Variants in ARID2 observed in about 807,000 individuals in gnomAD.
The protein encoded by ARID2 is AT-rich interaction domain 2, also known as AT-rich interactive domain-containing protein 2.
In ARID2, 32 loss-of-function variants were observed where a neutral mutation model predicts 184.6. That is an observed-to-expected ratio of 0.17 (90% CI 0.13 to 0.23). The LOEUF is 0.23. Among genes scored for constraint, ARID2 ranks in the 10% least tolerant of loss-of-function variants. The probability of loss-of-function intolerance (pLI) is 1.00; values close to 1 mark genes in which losing one functional copy is unlikely to be tolerated. For synonymous variants in ARID2, 836 were observed against 772.6 expected (o/e 1.08, Z -1.36); for missense variants, 1,696 against 2,197.6 (o/e 0.77, Z 4.56).
At chr12:45,794,659 AC>A (rs1942355695) in intron 3 of ARID2, among the ~76,000 whole-genome samples, 1 of 152,148 alleles carries the variant, frequency 6.6e-6, no homozygotes, top group Admixed American at 6.5e-5. Flanking sequence ...TAATGGTGTT[AC>A]CCTAATGGTA....
chr12:45,850,480 G>A lies in ARID2; in HGVS notation c.2357G>A (p.Gly786Asp), dbSNP rs2138162355. ...GTGGTACCAGGACAGATCCCTTCAG[G>A]CACTCCTGTTACAGTAATTCAACAA... ...HTVVPGQIPS[G>D]TPVTVIQQAV... Residue 786 changes from glycine to aspartate, a missense_variant, in exon 15 of 21, where the codon GGC (glycine) becomes GAC (aspartate). Around this residue, in one of 11 missense-constraint regions of ARID2, gnomAD observed 713 missense variants for 824.4 expected, o/e 0.86. Coordinates refer to ENST00000334344, the MANE Select transcript of ARID2 (RefSeq NM_152641.4). 5 of 1,613,872 alleles carry A rather than the reference G, an allele frequency of 3.1e-6. No homozygotes were observed. The highest frequency in any genetic ancestry group is 4.2e-6 in the Non-Finnish European group (5 of 1,179,952).
chr12:45,732,047 A>T (rs1941014206), intron 3 of ARID2, among the ~76,000 whole-genome samples: 1 of 151,224 alleles, frequency 6.6e-6, no homozygotes, highest in African/African-American at 2.4e-5. Flanking sequence ...GATACAGTCT[A>T]GATGATATAT....
At position 45,754,207 on chromosome 12, in the gene ARID2, T is replaced by TA. The variant is rs202181048; in HGVS notation, c.284+22900dup. On this transcript the variant is annotated intron_variant, in intron 3 of 20. Transcript: ENST00000334344. ...GTAATAGTATCAGGCAAAAAAATAATAAAAAAAGAGGGCTGAGTGATGCAG... is the reference window on the plus strand; with the variant it reads ...GTAATAGTATCAGGCAAAAAAATAATAAAAAAAAGAGGGCTGAGTGATGCAG... Among the ~76,000 whole-genome samples the TA allele has an allele frequency of 8.8e-3, 1,340 of 152,208 alleles. 18 individuals carry two copies. Among genetic ancestry groups the TA allele is most frequent in the African/African-American group, 0.031 (1,276 of 41,552 alleles).
chr12:45,824,922 T>A (rs1942965744), intron 6 of ARID2, among the ~76,000 whole-genome samples: 1 of 151,050 alleles, frequency 6.6e-6, no homozygotes, highest in Non-Finnish European at 1.5e-5. Flanking sequence ...CTAAAAGGAA[T>A]GAAAATGTGC....
intron 7 of ARID2, 30 bp from the exon 8 acceptor site, chr12:45,836,711 A>G: frequency 6.3e-7 from 1 of 1,599,666 alleles, no homozygotes. Flanking sequence ...TAAATGAAAT[A>G]TTAAGTGAAA....
intron 3 of ARID2, among the ~76,000 whole-genome samples, chr12:45,771,293 G>T (rs2138024368): frequency 6.6e-6 from 1 of 151,436 alleles, no homozygotes; most frequent in Non-Finnish European, 1.5e-5. Context: ...GGGAGGCGGA[G>T]GTTGCAGTCA....
At chr12:45,895,571 A>G (rs775766430) in intron 20 of ARID2, among the ~76,000 whole-genome samples, 6 of 152,172 alleles carry the variant, frequency 3.9e-5, no homozygotes, top group Non-Finnish European at 5.9e-5. Flanking sequence ...GTCTCGCTCT[A>G]TCGCCCAGGC....
At chr12:45,880,172 G>C (rs141029864) in intron 16 of ARID2, among the ~76,000 whole-genome samples, 1 of 152,114 alleles carries the variant, frequency 6.6e-6, no homozygotes, top group Non-Finnish European at 1.5e-5. Context: ...TATATTTCTC[G>C]TTAAAAACTG....
chr12:45,893,799 C>G, intron 20 of ARID2, 78 bp downstream of exon 20: 2 of 1,197,720 alleles, frequency 1.7e-6, no homozygotes, highest in Non-Finnish European at 2.3e-6. Context: ...AATTAGATAA[C>G]TGTATTTTCT....
intron 6 of ARID2, among the ~76,000 whole-genome samples, chr12:45,825,105 G>A (rs937269023): frequency 6.6e-6 from 1 of 151,890 alleles, no homozygotes; most frequent in Admixed American, 6.6e-5. Context: ...AGAGGGTGAT[G>A]TACAAAGAGA....
intron 6 of ARID2, among the ~76,000 whole-genome samples, chr12:45,831,347 C>T (rs1943118841): frequency 6.6e-6 from 1 of 152,004 alleles, no homozygotes; most frequent in South Asian, 2.1e-4. Flanking sequence ...TTCTCATTTC[C>T]ACTGTGATTT....
Position 45,905,126 on chromosome 12 carries a change from C to A in ARID2, c.*48C>A. On this transcript the variant is annotated 3_prime_UTR_variant, in exon 21 of 21. Transcript: ENST00000334344. ...GGGGGACTCAAAGTCAGCCACATTTCACATACTGTTACTGAAGAAAGCACC... is the reference window on the plus strand; with the variant it reads ...GGGGGACTCAAAGTCAGCCACATTTAACATACTGTTACTGAAGAAAGCACC... The A allele has an allele frequency of 3.2e-6, 5 of 1,580,726 alleles. No individual in the cohort carries two copies. The highest frequency in any genetic ancestry group is 3.4e-6 in the Non-Finnish European group (4 of 1,160,380).
At chr12:45,789,071 A>G (rs1942246153) in intron 3 of ARID2, 1 of 152,156 alleles carries the variant, frequency 6.6e-6, no homozygotes, top group Non-Finnish European at 1.5e-5. Flanking sequence ...GCCTTTTATA[A>G]GGGTCAAAAT....
intron 12 of ARID2, among the ~76,000 whole-genome samples, chr12:45,848,014 TG>T (rs1337718719): frequency 6.6e-6 from 1 of 152,022 alleles, no homozygotes; most frequent in Non-Finnish European, 1.5e-5. Flanking sequence ...CACTATAAAA[TG>T]TGTATGTGTT....
intron 19 of ARID2, 33 bp downstream of exon 19, chr12:45,893,576 G>A (rs1944331848): frequency 6.2e-7 from 1 of 1,609,746 alleles, no homozygotes; most frequent in East Asian, 2.2e-5. Flanking sequence ...ATCTGTAAAA[G>A]TCTGAGTCCT....
intron 15 of ARID2, among the ~76,000 whole-genome samples, chr12:45,858,824 A>G (rs866747349): frequency 3.9e-5 from 6 of 152,302 alleles, no homozygotes; most frequent in East Asian, 1.9e-4. Flanking sequence ...TGATATCTCT[A>G]CGGCCCTAAA....
intron 15 of ARID2, among the ~76,000 whole-genome samples, chr12:45,855,941 T>A (rs1242143618): frequency 2.6e-5 from 4 of 152,134 alleles, no homozygotes; most frequent in African/African-American, 9.7e-5. Context: ...TTGCCCAGGC[T>A]GGTCTTAAAC....
intron 3 of ARID2, among the ~76,000 whole-genome samples, chr12:45,744,378 T>A (rs1453009094): frequency 1.3e-5 from 2 of 152,156 alleles, no homozygotes. Context: ...CTACTACAGT[T>A]TAGTATCTTT....
intron 3 of ARID2, among the ~76,000 whole-genome samples, chr12:45,810,923 A>T (rs1332597632): frequency 6.6e-6 from 1 of 152,120 alleles, no homozygotes; most frequent in East Asian, 1.9e-4. Flanking sequence ...GAACCATTGC[A>T]TTGAGGCCGG....
Sources: allele counts gnomAD v4.1 joint callset (sites outside exome capture counted in the v4.1 genomes callset), GRCh38; gene constraint gnomAD v4.1.1; regional missense constraint gnomAD v4.1.1; transcripts MANE v1.5; gene names NCBI Gene and HGNC (gene_info 2026-07-23, HGNC 2026-07-21).